MICOS10: variants seen among roughly 807,000 people sequenced by gnomAD.
The protein encoded by MICOS10 is MICOS complex subunit MIC10.
In MICOS10, 5 loss-of-function variants were observed where a neutral mutation model predicts 13.4. The ratio of observed to expected loss-of-function variants is 0.37; its 90% CI spans 0.20 to 0.78. The LOEUF (loss-of-function observed/expected upper bound fraction) is 0.78. Among genes scored for constraint, MICOS10 ranks in the 30% least tolerant of loss-of-function variants. The pLI, the probability that MICOS10 is intolerant of heterozygous loss-of-function variation, is 0.47. For synonymous variants in MICOS10, 35 were observed against 33.6 expected (o/e 1.04, Z -0.15); for missense variants, 101 against 94.6 (o/e 1.07, Z -0.28).
intron 1 of MICOS10, among the ~76,000 whole-genome samples, chr1:19,611,789 T>C (rs1011637290): frequency 2.0e-5 from 3 of 151,508 alleles, no homozygotes; most frequent in African/African-American, 7.3e-5. Context: ...CTGGCCAACA[T>C]GGTGAAACCC....
At chr1:19,610,571 G>GT (rs2094856795) in intron 1 of MICOS10, among the ~76,000 whole-genome samples, 4 of 151,478 alleles carry the variant, frequency 2.6e-5, no homozygotes, top group Non-Finnish European at 4.4e-5. Context: ...GATACTGAGA[G>GT]ACAAGGTATA....
chr1:19,602,855 G>A (rs868434712), intron 1 of MICOS10, among the ~76,000 whole-genome samples: 31 of 152,246 alleles, frequency 2.0e-4, no homozygotes, highest in African/African-American at 4.6e-4. Flanking sequence ...ACTTTAAATC[G>A]TTCTGGTCTC....
rs144970794 is a variant in MICOS10 at position 19,626,501 on chromosome 1, A to G, written c.*100A>G. On this transcript the variant is annotated 3_prime_UTR_variant, in exon 4 of 4. Transcript: ENST00000322753. ...AGTAAGCTGCCATTCTTCTGTAACA[A>G]TGTTATCAGTAATGCTTTAAACTCC... The G allele has an allele frequency of 2.5e-4, 324 of 1,303,950 alleles. No homozygotes were observed. In the African/African-American group the frequency reaches 4.1e-3, roughly 16 times the overall value. The allele number at this position is 1,303,950 out of a possible 1,614,324, so 80.8% of individuals were successfully genotyped here.
intron 2 of MICOS10, 77 bp from the exon 3 acceptor site, chr1:19,623,397 A>T (rs1327666746): frequency 3.3e-5 from 27 of 824,662 alleles, no homozygotes; most frequent in Non-Finnish European, 5.3e-5. Context: ...ACCCTAAGTA[A>T]ATGTATTTAA....
At chr1:19,622,228 G>C in intron 2 of MICOS10, 81 bp downstream of exon 2, 1 of 1,161,096 alleles carries the variant, frequency 8.6e-7, no homozygotes, top group Non-Finnish European at 1.2e-6. Flanking sequence ...GGACACATTG[G>C]AACCCATCAA....
intron 3 of MICOS10, chr1:19,625,772 C>G: frequency 1.1e-6 from 1 of 941,156 alleles, no homozygotes; most frequent in Non-Finnish European, 1.4e-6. Context: ...ATTTGTGTGT[C>G]CTGCTCCAAA....
In MICOS10 at chr1:19,608,900, C is replaced by A. The variant is rs796856220; in HGVS notation, c.64+11791C>A. Among the ~76,000 whole-genome samples the A allele has an allele frequency of 6.2e-4, 93 of 151,078 alleles. 2 individuals are homozygous for A. Among genetic ancestry groups the A allele is most frequent in the African/African-American group, 2.1e-3 (86 of 41,252 alleles). On this transcript the variant is annotated intron_variant, in intron 1 of 3. Transcript: ENST00000322753. ...CCCCACCCATAGACTCAGGGTCTCA[C>A]ATGTTGCTCAGGCTACTACTTCTGG...
intron 1 of MICOS10, among the ~76,000 whole-genome samples, chr1:19,609,189 A>C (rs568303732): frequency 2.0e-4 from 31 of 151,886 alleles, no homozygotes; most frequent in African/African-American, 7.0e-4. Flanking sequence ...TTTTTTAATC[A>C]TAGGAAGACA....
intron 1 of MICOS10, among the ~76,000 whole-genome samples, chr1:19,604,831 C>G (rs1306946980): frequency 6.6e-6 from 1 of 151,978 alleles, no homozygotes. Flanking sequence ...CATTTGACCC[C>G]CATTTTGGAA....
rs860847 is a variant in MICOS10 at position 19,601,059 on chromosome 1, C to T, written c.64+3950C>T. The stretch of plus-strand genomic sequence containing the variant: ...GTTATTTTCCCACCTGTTTGCTGTA[C>T]GATGACTATTATAATCACTCGTGTT... On this transcript the variant is annotated intron_variant, in intron 1 of 3. Coordinates refer to ENST00000322753, the MANE Select transcript of MICOS10 (RefSeq NM_001032363.4). 9.4e-5 allele frequency: 117 copies of T among 1,241,952 alleles called. 1 individual carries two copies. Among genetic ancestry groups the T allele is most frequent in the Non-Finnish European group, 1.2e-4 (109 of 945,816 alleles). 76.9% of individuals were successfully genotyped at this position (1,241,952 alleles called of 1,614,324 possible).
intron 3 of MICOS10, among the ~76,000 whole-genome samples, chr1:19,624,232 G>A (rs923465771): frequency 1.3e-5 from 2 of 152,158 alleles, no homozygotes; most frequent in African/African-American, 4.8e-5. Context: ...AGTCTGGACT[G>A]TAAGTCTCAC....
chr1:19,605,555 G>A (rs2094831568), intron 1 of MICOS10, among the ~76,000 whole-genome samples: 1 of 152,090 alleles, frequency 6.6e-6, no homozygotes, highest in African/African-American at 2.4e-5. Context: ...AGTGTTTTCA[G>A]TATTCATCCA....
Position 19,629,372 on chromosome 1 carries a change from AATAC to A in MICOS10, c.*2977_*2980del, listed in dbSNP as rs1379886449. 1 of 152,212 alleles carries A rather than the reference AATAC, an allele frequency of 6.6e-6. No homozygotes were observed. Among genetic ancestry groups the A allele is most frequent in the Non-Finnish European group, 1.5e-5 (1 of 68,050 alleles). The allele number at this position is 152,212 out of a possible 1,614,324, so 9.4% of individuals were successfully genotyped here. A position where few individuals can be genotyped will look rare whatever the true frequency, so the allele number is the denominator to read the frequency against. On this transcript the variant is annotated 3_prime_UTR_variant, in exon 4 of 4. Transcript: ENST00000322753. Reference sequence around the variant, plus strand: ...GTGGCCTGCTCTGCCAACATACATAAATACATACAGTCTGAGCTTGACACTGTAT... The same window carrying A: ...GTGGCCTGCTCTGCCAACATACATAAATACAGTCTGAGCTTGACACTGTAT...
intron 1 of MICOS10, among the ~76,000 whole-genome samples, chr1:19,618,820 T>C (rs997970561): frequency 6.6e-6 from 1 of 152,262 alleles, no homozygotes; most frequent in African/African-American, 2.4e-5. Flanking sequence ...TGGTAATTCC[T>C]GTAGCTTCTC....
chr1:19,600,902 A>G (rs2094811657), intron 1 of MICOS10: 4 of 1,289,388 alleles, frequency 3.1e-6, no homozygotes, highest in African/African-American at 1.5e-5. Context: ...CACCTGGTCC[A>G]TCTTGATAAT....
chr1:19,601,394 C>G (rs1242885226), intron 1 of MICOS10: 1 of 191,354 alleles, frequency 5.2e-6, no homozygotes, highest in Non-Finnish European at 1.1e-5. Context: ...GCCTGGGCAA[C>G]ATAGTTAGAC....
At chr1:19,601,728 C>G (rs1570465110) in intron 1 of MICOS10, among the ~76,000 whole-genome samples, 1 of 152,034 alleles carries the variant, frequency 6.6e-6, no homozygotes, top group Non-Finnish European at 1.5e-5. Context: ...TAAATTAAGC[C>G]CATGGATCTA....
In MICOS10 at chr1:19,597,052, G is replaced by A. The variant is rs775583554; in HGVS notation, c.7G>A (p.Glu3Lys). The A allele has an allele frequency of 2.5e-6, 4 of 1,592,606 alleles. No individual in the cohort carries two copies. The highest frequency in any genetic ancestry group is 2.6e-6 in the Non-Finnish European group (3 of 1,171,930). Residue 3 changes from glutamate to lysine, a missense_variant, in exon 1 of 4, where the codon GAG becomes AAG. Transcript: ENST00000322753. The stretch of plus-strand genomic sequence containing the variant: ...GGAGGCGCGGGTGGGGAACATGTCT[G>A]AGTCGGAGCTCGGCAGGAAGTGGGA... MS[E>K]SELGRKWDRC...
chr1:19,624,356 G>A (rs1057041032), intron 3 of MICOS10, among the ~76,000 whole-genome samples: 5 of 151,774 alleles, frequency 3.3e-5, no homozygotes, highest in Admixed American at 6.6e-5. Flanking sequence ...GCACAATCTT[G>A]GCTCACTGCG....
Sources: gnomAD v4.1 joint callset for allele counts (sites outside exome capture counted in the v4.1 genomes callset) on GRCh38, gnomAD v4.1.1 for gene constraint, MANE v1.5 for transcripts, NCBI Gene and HGNC (gene_info 2026-07-23, HGNC 2026-07-21) for gene names.